The following DLG2 variants were observed in gnomAD, a reference collection of about 807,000 sequenced individuals.
DLG2 encodes the protein discs large MAGUK scaffold protein 2, also known as disks large homolog 2.
A neutral mutation model predicts 132.5 loss-of-function variants in DLG2; 45 were observed. That is an observed-to-expected ratio of 0.34 (90% confidence interval 0.27 to 0.44). The LOEUF is 0.44. Ranked by LOEUF, DLG2 falls within the 20% of genes least tolerant of loss-of-function variation. The probability of loss-of-function intolerance (pLI) is 1.00; values close to 1 mark genes in which losing one functional copy is unlikely to be tolerated. For synonymous variants in DLG2, 424 were observed against 419.6 expected (o/e 1.01, Z -0.13); for missense variants, 1,045 against 1,196.9 (o/e 0.87, Z 1.87).
chr11:84,723,009 C>G (rs925616070), intron 6 of DLG2, among the ~76,000 whole-genome samples: 1 of 152,144 alleles, frequency 6.6e-6, no homozygotes, highest in African/African-American at 2.4e-5. Flanking sequence ...TTAAGTATAT[C>G]CTTTACCATT....
At chr11:83,659,655 C>A (rs1406470777) in intron 18 of DLG2, among the ~76,000 whole-genome samples, 1 of 152,142 alleles carries the variant, frequency 6.6e-6, no homozygotes, top group African/African-American at 2.4e-5. Flanking sequence ...ATGATATAGA[C>A]AAGGAAGCTG....
intron 4 of DLG2, among the ~76,000 whole-genome samples, chr11:85,192,780 C>G (rs1341996711): frequency 6.6e-6 from 1 of 152,086 alleles, no homozygotes; most frequent in Non-Finnish European, 1.5e-5. Flanking sequence ...GAATCAAGTG[C>G]CTATCTTTTT....
At chr11:84,726,337 T>G (rs1352851517) in intron 6 of DLG2, among the ~76,000 whole-genome samples, 2 of 152,136 alleles carry the variant, frequency 1.3e-5, no homozygotes, top group Non-Finnish European at 2.9e-5. Context: ...ATTGTTCAAC[T>G]CCCACTTATG....
chr11:83,850,094 ACATT>A (rs2059395285), intron 16 of DLG2, among the ~76,000 whole-genome samples: 1 of 150,812 alleles, frequency 6.6e-6, no homozygotes, highest in South Asian at 2.1e-4. Context: ...AATTATAATA[ACATT>A]CATTCATCCG....
intron 4 of DLG2, among the ~76,000 whole-genome samples, chr11:85,169,553 A>G (rs2078697737): frequency 6.6e-6 from 1 of 152,088 alleles, no homozygotes; most frequent in African/African-American, 2.4e-5. Flanking sequence ...AGGGGTAGTA[A>G]ATGATTTTTA....
chr11:85,467,947 T>G (rs2092850407), intron 3 of DLG2, among the ~76,000 whole-genome samples: 1 of 152,278 alleles, frequency 6.6e-6, no homozygotes, highest in South Asian at 2.1e-4. Context: ...TCCTGGACTT[T>G]TTTTGGTTGG....
intron 3 of DLG2, among the ~76,000 whole-genome samples, chr11:85,510,379 T>A (rs559936488): frequency 6.6e-6 from 1 of 152,086 alleles, no homozygotes; most frequent in African/African-American, 2.4e-5. Flanking sequence ...TGGGATCTAA[T>A]TAAACTAAAG....
At chr11:83,841,541 C>T (rs2057527923) in intron 16 of DLG2, among the ~76,000 whole-genome samples, 1 of 152,140 alleles carries the variant, frequency 6.6e-6, no homozygotes, top group South Asian at 2.1e-4. Context: ...GCTTATTCCA[C>T]TGGATTGGTT....
chr11:83,752,035 G>A (rs189502353), intron 18 of DLG2, among the ~76,000 whole-genome samples: 9 of 152,294 alleles, frequency 5.9e-5, no homozygotes, highest in Admixed American at 3.3e-4. Context: ...TCGGGAGGCC[G>A]AGGCAGGTGG....
At chr11:85,616,254 G>T (rs1021759616) in intron 2 of DLG2, among the ~76,000 whole-genome samples, 10 of 152,080 alleles carry the variant, frequency 6.6e-5, no homozygotes, top group Admixed American at 5.2e-4. Context: ...TTGTAAAAGT[G>T]AAGTTCATGA....
At chr11:85,559,514 C>T (rs2077111217) in intron 3 of DLG2, among the ~76,000 whole-genome samples, 1 of 151,444 alleles carries the variant, frequency 6.6e-6, no homozygotes, top group Non-Finnish European at 1.5e-5. Context: ...CAGTATCTCA[C>T]TTCAAAACCA....
chr11:85,290,381 C>T (rs1214461531), intron 3 of DLG2, among the ~76,000 whole-genome samples: 1 of 152,028 alleles, frequency 6.6e-6, no homozygotes, highest in Non-Finnish European at 1.5e-5. Context: ...TGAATTTCTG[C>T]ACTTCTAATA....
intron 22 of DLG2, chr11:83,483,297 T>A: frequency 1.2e-6 from 2 of 1,612,636 alleles, no homozygotes; most frequent in Non-Finnish European, 1.7e-6. Context: ...TCCGGGGATG[T>A]CCTGCATGGA....
At chr11:84,348,675 C>T (rs1343880984) in intron 7 of DLG2, among the ~76,000 whole-genome samples, 5 of 152,152 alleles carry the variant, frequency 3.3e-5, no homozygotes, top group African/African-American at 1.2e-4. Context: ...CCTGTTGTGA[C>T]TGTGACCTTA....
intron 3 of DLG2, among the ~76,000 whole-genome samples, chr11:85,442,813 T>A (rs2091848651): frequency 6.6e-6 from 1 of 151,938 alleles, no homozygotes; most frequent in South Asian, 2.1e-4. Flanking sequence ...GGCCAGCAGT[T>A]CAAGGCAGTG....
At chr11:84,492,890 C>T (rs2099168988) in intron 7 of DLG2, among the ~76,000 whole-genome samples, 1 of 151,812 alleles carries the variant, frequency 6.6e-6, no homozygotes, top group South Asian at 2.1e-4. Context: ...TATATAATTC[C>T]CAGGGGATAC....
chr11:84,104,164 C>T (rs1292804863), intron 9 of DLG2, among the ~76,000 whole-genome samples: 2 of 151,962 alleles, frequency 1.3e-5, no homozygotes, highest in African/African-American at 4.8e-5. Flanking sequence ...ATAATAAAGA[C>T]ATGGAATTAA....
At chr11:84,490,819 T>C (rs1007196584) in intron 7 of DLG2, among the ~76,000 whole-genome samples, 1 of 152,012 alleles carries the variant, frequency 6.6e-6, no homozygotes, top group African/African-American at 2.4e-5. Context: ...TCCTCTATTT[T>C]CTAGAGTTCT....
At position 84,697,823 on chromosome 11, in the gene DLG2, TACA is replaced by T. The variant is rs1432627624; in HGVS notation, c.358-163095_358-163093del. On this transcript the variant is annotated intron_variant, in intron 6 of 27. Coordinates refer to ENST00000376104, the MANE Select transcript of DLG2 (RefSeq NM_001142699.3). ...TTCAAAGTATTTTCATGATAATAAG[TACA>T]TATTAATCATGCACACATCGATTAT... 2.0e-5 allele frequency among the ~76,000 whole-genome samples: 3 copies of T among 151,466 alleles called. No homozygotes were observed. The East Asian group carries it at 5.8e-4, about 29-fold the overall frequency.
Sources: allele counts gnomAD v4.1 joint callset (sites outside exome capture counted in the v4.1 genomes callset), GRCh38; gene constraint gnomAD v4.1.1; transcripts MANE v1.5; gene names NCBI Gene and HGNC (gene_info 2026-07-23, HGNC 2026-07-21).